The following KSR2 variants were observed in gnomAD, a reference collection of about 807,000 sequenced individuals.
The protein encoded by KSR2 is kinase suppressor of ras 2.
A neutral mutation model predicts 107.8 loss-of-function variants in KSR2; 25 were observed. That is an observed-to-expected ratio of 0.23 (90% CI 0.17 to 0.32). The LOEUF is 0.32. KSR2 is among the 10% of genes least tolerant of loss of function. The probability of loss-of-function intolerance (pLI) is 1.00; values close to 1 mark genes in which losing one functional copy is unlikely to be tolerated. For missense variants in KSR2, 887 were observed against 1,268.9 expected (o/e 0.70, Z 4.57); for synonymous variants, 480 against 507.0 (o/e 0.95, Z 0.71).
At chr12:117,935,195 G>A (rs1184417024) in intron 1 of KSR2, among the ~76,000 whole-genome samples, 1 of 151,550 alleles carries the variant, frequency 6.6e-6, no homozygotes, top group African/African-American at 2.4e-5. Context: ...GAGTGCAATG[G>A]CCCGATCACA....
chr12:117,704,858 CA>C (rs35848973), intron 4 of KSR2, among the ~76,000 whole-genome samples: 273 of 129,610 alleles, frequency 2.1e-3, no homozygotes, highest in Admixed American at 2.8e-3. Flanking sequence ...GACTTCATCT[CA>C]AAAAAAAAAA....
chr12:117,963,041 T>C (rs1209331952), intron 1 of KSR2, among the ~76,000 whole-genome samples: 1 of 151,450 alleles, frequency 6.6e-6, no homozygotes, highest in Non-Finnish European at 1.5e-5. Flanking sequence ...AATACAAAAA[T>C]TAGCCAGGCG....
At chr12:117,889,164 G>GC (rs1477348344) in intron 1 of KSR2, among the ~76,000 whole-genome samples, 3 of 152,138 alleles carry the variant, frequency 2.0e-5, no homozygotes, top group Admixed American at 6.5e-5. Context: ...AGGACGGTGT[G>GC]CCCCTTCCGC....
intron 3 of KSR2, among the ~76,000 whole-genome samples, chr12:117,820,325 T>C (rs1193377335): frequency 6.6e-6 from 1 of 152,180 alleles, no homozygotes; most frequent in Non-Finnish European, 1.5e-5. Flanking sequence ...GGGGATGTTC[T>C]GCCTAACGCA....
intron 4 of KSR2, among the ~76,000 whole-genome samples, chr12:117,708,979 A>G (rs1479692482): frequency 6.6e-6 from 1 of 152,060 alleles, no homozygotes; most frequent in African/African-American, 2.4e-5. Context: ...TTCAAAGTCC[A>G]TCATTGCAAT....
In KSR2 at chr12:117,860,263, C is replaced by T. The variant is rs769315394; in HGVS notation, c.321+28G>A. 5 of 1,597,260 alleles carry T rather than the reference C, an allele frequency of 3.1e-6. No homozygotes were observed. In the East Asian group the frequency reaches 1.1e-4, roughly 36 times the overall value. ...GGGGTAGCTGCTGGCCAGTAAGGGGCAGGGGACACAGGGGCCCCCCAGGTC... is the reference window on the plus strand; with the variant it reads ...GGGGTAGCTGCTGGCCAGTAAGGGGTAGGGGACACAGGGGCCCCCCAGGTC... On this transcript the variant is annotated intron_variant, in intron 2 of 19. Transcript: ENST00000339824.
At chr12:117,861,540 C>T (rs1050152742) in intron 1 of KSR2, among the ~76,000 whole-genome samples, 5 of 151,764 alleles carry the variant, frequency 3.3e-5, no homozygotes, top group Admixed American at 2.0e-4. Flanking sequence ...AGGCGCCCGC[C>T]ACCACACCCG....
At chr12:117,602,628 C>G (rs1370254462) in intron 5 of KSR2, among the ~76,000 whole-genome samples, 2 of 152,208 alleles carry the variant, frequency 1.3e-5, no homozygotes, top group African/African-American at 4.8e-5. Flanking sequence ...ACCCACACAG[C>G]ACCATTTGTT....
At chr12:117,551,676 A>C (rs1242236356) in intron 9 of KSR2, among the ~76,000 whole-genome samples, 1 of 152,182 alleles carries the variant, frequency 6.6e-6, no homozygotes, top group Admixed American at 6.5e-5. Flanking sequence ...CTTCAGACCA[A>C]ATTGGCTCAG....
chr12:117,765,727 GC>G (rs1467369360), intron 3 of KSR2, among the ~76,000 whole-genome samples: 5 of 152,236 alleles, frequency 3.3e-5, no homozygotes, highest in South Asian at 2.1e-4. Context: ...AGAAAGCAGG[GC>G]ACAGAGACAA....
intron 1 of KSR2, among the ~76,000 whole-genome samples, chr12:117,931,704 C>T (rs1895699327): frequency 6.6e-6 from 1 of 152,230 alleles, no homozygotes. Context: ...AGGAACAATA[C>T]AACCAGAAAA....
At chr12:117,893,476 C>T (rs1283612596) in intron 1 of KSR2, among the ~76,000 whole-genome samples, 6 of 152,194 alleles carry the variant, frequency 3.9e-5, no homozygotes, top group Non-Finnish European at 8.8e-5. Context: ...AAGTGTCATA[C>T]ACCCTAGCAG....
rs1870946685 is a variant in KSR2 at position 117,462,397 on chromosome 12, T to C, written c.*4802A>G. On this transcript the variant is annotated 3_prime_UTR_variant, in exon 20 of 20. Transcript: ENST00000339824. ...TAATCCAATGTGACTCGTGTCCTTA[T>C]AAGAAGATGGCCATATGAAGATAGG... 3 of 151,960 alleles carry C rather than the reference T, an allele frequency of 2.0e-5. No homozygotes were observed. Among genetic ancestry groups the C allele is most frequent in the African/African-American group, 7.3e-5 (3 of 41,348 alleles). 9.4% of individuals were successfully genotyped at this position (151,960 alleles called of 1,614,324 possible). A position where few individuals can be genotyped will look rare whatever the true frequency, so the allele number is the denominator to read the frequency against.
intron 3 of KSR2, among the ~76,000 whole-genome samples, chr12:117,846,691 G>T (rs1212821014): frequency 6.6e-6 from 1 of 152,242 alleles, no homozygotes; most frequent in Non-Finnish European, 1.5e-5. Flanking sequence ...GGATGTTCTA[G>T]AACTGTGCTA....
At chr12:117,785,386 G>A (rs1593233832) in intron 3 of KSR2, among the ~76,000 whole-genome samples, 1 of 118,644 alleles carries the variant, frequency 8.4e-6, no homozygotes, top group South Asian at 2.9e-4. Flanking sequence ...CTGCGCTACA[G>A]CCTGGGCAAC....
intron 1 of KSR2, among the ~76,000 whole-genome samples, chr12:117,899,329 C>T (rs931640671): frequency 6.6e-6 from 1 of 151,688 alleles, no homozygotes; most frequent in East Asian, 1.9e-4. Context: ...CTTGTCTCTA[C>T]AAAAATAAAA....
At chr12:117,476,969 C>A (rs1461436612) in intron 16 of KSR2, among the ~76,000 whole-genome samples, 3 of 113,128 alleles carry the variant, frequency 2.7e-5, no homozygotes, top group Admixed American at 1.6e-4. Context: ...ATGCACACAC[C>A]CCCTCACATA....
intron 1 of KSR2, among the ~76,000 whole-genome samples, chr12:117,964,699 C>T (rs181545672): frequency 6.6e-6 from 1 of 152,278 alleles, no homozygotes; most frequent in East Asian, 1.9e-4. Context: ...CTCTTTCAAT[C>T]CTTATAACCA....
At chr12:117,958,558 G>C (rs11068761) in intron 1 of KSR2, among the ~76,000 whole-genome samples, 36,651 of 152,034 alleles carry the variant, frequency 0.24, 5,173 homozygotes, top group Admixed American at 0.36. Flanking sequence ...TGGTGGCTCA[G>C]GTCTGTAATC....
Sources: gnomAD v4.1 joint callset for allele counts (sites outside exome capture counted in the v4.1 genomes callset) on GRCh38, gnomAD v4.1.1 for gene constraint, MANE v1.5 for transcripts, NCBI Gene and HGNC (gene_info 2026-07-23, HGNC 2026-07-21) for gene names.